The following GPLD1 variants were observed in gnomAD, a reference collection of about 807,000 sequenced individuals.
The protein encoded by GPLD1 is glycosylphosphatidylinositol specific phospholipase D1, also known as phosphatidylinositol-glycan-specific phospholipase D.
GPLD1 carries 84 observed loss-of-function variants against 112.6 expected under a neutral mutation model. That is an observed-to-expected ratio of 0.75 (90% confidence interval 0.63 to 0.89). GPLD1 has a LOEUF of 0.89. GPLD1 is among the 40% of genes least tolerant of loss of function. GPLD1 has a pLI of 0.00. For synonymous variants in GPLD1, 386 were observed against 403.8 expected, an observed-to-expected ratio of 0.96 and a Z score of 0.53; for missense variants, 1,044 against 1,051.5, an observed-to-expected ratio of 0.99 and a Z score of 0.10.
intron 7 of GPLD1, among the ~76,000 whole-genome samples, chr6:24,468,419 A>G (rs1209440391): frequency 6.6e-6 from 1 of 152,176 alleles, no homozygotes; most frequent in East Asian, 1.9e-4. Flanking sequence ...ATTACTGTAA[A>G]CTGCATTTTC....
Position 24,454,206 on chromosome 6 carries a change from G to A in GPLD1, c.1149-5C>T, listed in dbSNP as rs1303359864. Reference sequence around the variant, plus strand: ...AGGTCAGCTGAGGTCATTGCCCTTAGGGAAGTGAAGGGACCCACCATGGTA... The same window carrying A: ...AGGTCAGCTGAGGTCATTGCCCTTAAGGAAGTGAAGGGACCCACCATGGTA... On this transcript the variant is annotated splice_polypyrimidine_tract_variant and splice_region_variant and intron_variant, in intron 13 of 24. Coordinates refer to ENST00000230036, the MANE Select transcript of GPLD1 (RefSeq NM_001503.4). The A allele has an allele frequency of 6.2e-7, 1 of 1,602,860 alleles. No individual in the cohort carries two copies. The highest frequency in any genetic ancestry group is 8.5e-7 in the Non-Finnish European group (1 of 1,173,658).
chr6:24,467,233 A>G lies in GPLD1; in HGVS notation c.587T>C (p.Leu196Pro), dbSNP rs1265759587. The change falls in exon 8 of 25, where the codon CTG becomes CCG. Residue 196 changes from leucine to proline, a missense_variant. Coordinates refer to ENST00000230036, the MANE Select transcript of GPLD1 (RefSeq NM_001503.4). ...TTCGGTGATGACTTTTCGACCATAC[A>G]GTTTCTCATAAATTCCCAGTAGATC... ...VKDLLGIYEK[L>P]YGRKVITENV... The G allele has an allele frequency of 1.9e-6, 3 of 1,606,606 alleles. No individual in the cohort carries two copies. Among genetic ancestry groups the G allele is most frequent in the Non-Finnish European group, 2.6e-6 (3 of 1,173,116 alleles).
intron 3 of GPLD1, 132 bp from the exon 4 acceptor site, chr6:24,476,410 C>T (rs1418563636): frequency 3.2e-5 from 19 of 589,800 alleles, no homozygotes; most frequent in Non-Finnish European, 3.6e-5. Context: ...TTTCTTCTGT[C>T]GACTTTCAAA....
chr6:24,448,093 G>C (rs79373595), intron 16 of GPLD1, 41 bp downstream of exon 16: 1 of 1,610,728 alleles, frequency 6.2e-7, no homozygotes, highest in South Asian at 1.1e-5. Flanking sequence ...AGGATACAGC[G>C]AGTTCTAGGT....
intron 18 of GPLD1, among the ~76,000 whole-genome samples, chr6:24,446,256 A>C (rs1762905968): frequency 1.3e-5 from 2 of 152,116 alleles, no homozygotes; most frequent in Admixed American, 6.6e-5. Flanking sequence ...TGTCTTTCAA[A>C]GAAGAGGAGA....
chr6:24,446,795 T>G, intron 18 of GPLD1, 43 bp downstream of exon 18: 1 of 1,598,752 alleles, frequency 6.3e-7, no homozygotes, highest in Non-Finnish European at 8.5e-7. Context: ...AGCAGGTACC[T>G]GCCCCTGTGT....
At chr6:24,495,228 G>C (rs1001529759), upstream of GPLD1, 1 of 1,519,862 alleles carries the variant, frequency 6.6e-7, no homozygotes, top group Non-Finnish European at 8.8e-7. Context: ...CACCTTCCCC[G>C]TGCAAGACCC....
At position 24,446,430 on chromosome 6, in the gene GPLD1, C is replaced by G. The variant is rs185430453; in HGVS notation, c.1820+408G>C. On this transcript the variant is annotated intron_variant, in intron 18 of 24. Coordinates refer to ENST00000230036, the MANE Select transcript of GPLD1 (RefSeq NM_001503.4). ...GGAGGCCGAGGCAGGAGGACGAGTT[C>G]GAGCCTGCAGTGAGTTACCACTGCC... 8.2e-4 allele frequency among the ~76,000 whole-genome samples: 124 copies of G among 152,146 alleles called. 1 individual carries two copies. Among genetic ancestry groups the G allele is most frequent in the Admixed American group, 6.5e-3 (100 of 15,282 alleles).
intron 3 of GPLD1, 42 bp from the exon 4 acceptor site, chr6:24,476,320 T>C: frequency 1.9e-6 from 2 of 1,071,182 alleles, no homozygotes; most frequent in South Asian, 2.7e-5. Context: ...CTCTTAAAAG[T>C]TGGAGAGTCT....
At chr6:24,488,844 G>C (rs536645646) in intron 1 of GPLD1, among the ~76,000 whole-genome samples, 1 of 152,186 alleles carries the variant, frequency 6.6e-6, no homozygotes, top group South Asian at 2.1e-4. Context: ...GGTGGCACTG[G>C]CTTGCTGTAC....
At chr6:24,433,419 T>G (rs181246130) in intron 22 of GPLD1, 30 bp from the exon 23 acceptor site, 34 of 1,502,924 alleles carry the variant, frequency 2.3e-5, no homozygotes, top group Non-Finnish European at 4.6e-6. Flanking sequence ...AGAGAGACAA[T>G]GTTATTACTG....
Position 24,448,221 on chromosome 6 carries a change from A to C in GPLD1, c.1447-13T>G, listed in dbSNP as rs1561836739. ...CATACACGGCACCCTAGATAAGGAC[A>C]AACAGCAGATAGACATGAGGCTCTG... On this transcript the variant is annotated splice_polypyrimidine_tract_variant and intron_variant, in intron 15 of 24. Transcript: ENST00000230036. 6.3e-7 allele frequency: 1 copy of C among 1,577,446 alleles called. No homozygotes were observed. The highest frequency in any genetic ancestry group is 1.7e-5 in the Admixed American group (1 of 59,038).
chr6:24,462,345 G>C (rs1025803401), intron 11 of GPLD1, among the ~76,000 whole-genome samples: 1 of 151,870 alleles, frequency 6.6e-6, no homozygotes, highest in Non-Finnish European at 1.5e-5. Context: ...ATGTTGCTGA[G>C]GCTGGTCCTG....
exon 1 of GPLD1, chr6:24,495,031 C>T: frequency 7.4e-7 from 1 of 1,348,708 alleles, no homozygotes. Flanking sequence ...AGCTGTGGGG[C>T]CCGGCGCCTC....
chr6:24,456,566 C>T lies in GPLD1; in HGVS notation c.1080G>A (p.Leu360=). The T allele has an allele frequency of 6.2e-7, 1 of 1,604,776 alleles. No homozygotes were observed. Among genetic ancestry groups the T allele is most frequent in the South Asian group, 1.1e-5 (1 of 90,848 alleles). Residue 360 remains leucine, a synonymous_variant, in exon 13 of 25, where the codon TTG becomes TTA. Transcript: ENST00000230036. ...AGGGGCTGGAGACGTGCTTTTGTGA[C>T]AACTGAGAGCCACCTATGAACATTG... ...IRTMFIGGSQ[L]SQKHVSSPLA... is the part of the protein sequence containing the mutation.
chr6:24,458,255 G>C (rs1356484704), intron 12 of GPLD1, among the ~76,000 whole-genome samples: 1 of 152,122 alleles, frequency 6.6e-6, no homozygotes, highest in Non-Finnish European at 1.5e-5. Context: ...CAGGGTCTGA[G>C]GATCTTTCAG....
At position 24,487,323 on chromosome 6, in the gene GPLD1, G is replaced by A. The variant is rs377599727; in HGVS notation, c.98-1193C>T. Among the ~76,000 whole-genome samples the A allele has an allele frequency of 5.9e-5, 9 of 151,660 alleles. No homozygotes were observed. The East Asian group carries it at 1.5e-3, about 26-fold the overall frequency. On this transcript the variant is annotated intron_variant, in intron 1 of 24. Coordinates refer to ENST00000230036, the MANE Select transcript of GPLD1 (RefSeq NM_001503.4). ...ATTTATAAAATCATCTAATTTATTAGTAAATAAATGATGGAGTTTTGGTCT... is the reference window on the plus strand; with the variant it reads ...ATTTATAAAATCATCTAATTTATTAATAAATAAATGATGGAGTTTTGGTCT...
chr6:24,495,152 G>A (rs1379009989), exon 1 of GPLD1: 2 of 1,431,160 alleles, frequency 1.4e-6, no homozygotes, highest in Admixed American at 2.8e-5. Context: ...GGCGCCTGGC[G>A]GGCCTCTCTG....
chr6:24,467,896 T>A (rs1224892106), intron 7 of GPLD1, among the ~76,000 whole-genome samples: 1 of 151,704 alleles, frequency 6.6e-6, no homozygotes, highest in Non-Finnish European at 1.5e-5. Flanking sequence ...GTGGTTGTTT[T>A]TGTTTTCTGT....
Sources: allele counts gnomAD v4.1 joint callset (sites outside exome capture counted in the v4.1 genomes callset), GRCh38; gene constraint gnomAD v4.1.1; transcripts MANE v1.5; gene names NCBI Gene and HGNC (gene_info 2026-07-23, HGNC 2026-07-21).